Variants in ALPK1 observed in about 807,000 individuals in gnomAD.
ALPK1 encodes alpha-protein kinase 1.
In ALPK1, 110 loss-of-function variants were observed where a neutral mutation model predicts 120.6. The ratio of observed to expected loss-of-function variants is 0.91; its 90% CI spans 0.78 to 1.07. The LOEUF is 1.07. ALPK1 is among the 50% of genes least tolerant of loss of function. The pLI is 0.00. For synonymous variants in ALPK1, 582 were observed against 560.3 expected (o/e 1.04, Z -0.55); for missense variants, 1,498 against 1,483.9 (o/e 1.01, Z -0.16).
intron 2 of ALPK1, among the ~76,000 whole-genome samples, chr4:112,320,983 G>GCCTC (rs1399384622): frequency 7.0e-6 from 1 of 142,352 alleles, no homozygotes; most frequent in African/African-American, 2.7e-5. Flanking sequence ...TGCAAGCTCC[G>GCCTC]CCTCCCAGGT....
In ALPK1 at chr4:112,432,477, C is replaced by T; in HGVS notation, c.2930C>T (p.Pro977Leu). Reference sequence around the variant, plus strand: ...ATCCTTGAGGCTCGCACCTTGCAACCTGATGACTTTGAAAAGCTGTTGGCA... The same window carrying T: ...ATCCTTGAGGCTCGCACCTTGCAACTTGATGACTTTGAAAAGCTGTTGGCA... ...KEILEARTLQ[P>L]DDFEKLLAGV... The change falls in exon 11 of 16, where the codon CCT (proline) becomes CTT (leucine). Residue 977 changes from proline (P) to leucine (L), a missense_variant. By Grantham distance (98) the Pro-to-Leu change is moderately conservative. Coordinates refer to ENST00000650871, the MANE Select transcript of ALPK1 (RefSeq NM_025144.4). 2 of 1,614,144 alleles carry T rather than the reference C, an allele frequency of 1.2e-6. No homozygotes were observed. The highest frequency in any genetic ancestry group is 2.2e-5 in the East Asian group (1 of 44,882).
At chr4:112,389,640 G>A (rs28627711) in intron 4 of ALPK1, among the ~76,000 whole-genome samples, 2 of 152,242 alleles carry the variant, frequency 1.3e-5, no homozygotes, top group Non-Finnish European at 2.9e-5. Context: ...TGACCGGTTG[G>A]ACAGACGGGG....
At chr4:112,358,685 G>T in intron 2 of ALPK1, 1 of 732,112 alleles carries the variant, frequency 1.4e-6, no homozygotes, top group Non-Finnish European at 2.5e-6. Flanking sequence ...CATCTAAGAG[G>T]CTGGCAGAGG....
At chr4:112,423,789 A>T (rs2148757456) in intron 5 of ALPK1, 155 bp from the exon 6 acceptor site, 1 of 758,508 alleles carries the variant, frequency 1.3e-6, no homozygotes, top group Admixed American at 2.0e-5. Flanking sequence ...AGTTTTATAG[A>T]TGATGTCATT....
intron 4 of ALPK1, 29 bp from the exon 5 acceptor site, chr4:112,411,798 G>A: frequency 6.3e-7 from 1 of 1,585,680 alleles, no homozygotes; most frequent in Non-Finnish European, 8.6e-7. Context: ...TTTCCGCCTG[G>A]CTCACGATGT....
intron 2 of ALPK1, among the ~76,000 whole-genome samples, chr4:112,340,173 T>C (rs966422700): frequency 6.6e-6 from 1 of 152,232 alleles, no homozygotes; most frequent in Non-Finnish European, 1.5e-5. Flanking sequence ...TGTGGCCACA[T>C]GTAATATAGC....
In ALPK1 at chr4:112,397,350, A is replaced by G. The variant is rs376436291; in HGVS notation, c.277-14477A>G. Among the ~76,000 whole-genome samples, 7 of 152,366 alleles carry G rather than the reference A, an allele frequency of 4.6e-5. No individual in the cohort carries two copies. In the East Asian group the frequency reaches 9.6e-4, roughly 21 times the overall value. On this transcript the variant is annotated intron_variant, in intron 4 of 15. Coordinates refer to ENST00000650871, the MANE Select transcript of ALPK1 (RefSeq NM_025144.4). Reference sequence around the variant, plus strand: ...TATGTATTCTGTATGTGAAGACCACAGGCAAAATATATTTCTTTCATGGCT... The same window carrying G: ...TATGTATTCTGTATGTGAAGACCACGGGCAAAATATATTTCTTTCATGGCT...
intron 2 of ALPK1, among the ~76,000 whole-genome samples, chr4:112,344,118 G>A (rs1435391240): frequency 6.6e-6 from 1 of 152,162 alleles, no homozygotes; most frequent in African/African-American, 2.4e-5. Context: ...GGTATACCCA[G>A]CTTTAGAAAA....
intron 2 of ALPK1, among the ~76,000 whole-genome samples, chr4:112,371,964 T>G (rs1370122594): frequency 6.6e-6 from 1 of 152,192 alleles, no homozygotes; most frequent in African/African-American, 2.4e-5. Flanking sequence ...TCCAACCAAT[T>G]CCTTCAAAAA....
chr4:112,440,328 A>G (rs560233177), intron 14 of ALPK1, among the ~76,000 whole-genome samples: 1 of 152,154 alleles, frequency 6.6e-6, no homozygotes, highest in Non-Finnish European at 1.5e-5. Context: ...GTACTTAAAT[A>G]TGACTACTTT....
At position 112,355,388 on chromosome 4, in the gene ALPK1, C is replaced by T. The variant is rs369903290; in HGVS notation, c.-100-22290C>T. On this transcript the variant is annotated intron_variant, in intron 2 of 15. Transcript: ENST00000650871. ...CGGGCCAGTGGGGGAGACAGCGACACGAGCAGAAGCTGGACCGAGCGGGAG... is the reference window on the plus strand; with the variant it reads ...CGGGCCAGTGGGGGAGACAGCGACATGAGCAGAAGCTGGACCGAGCGGGAG... Among the ~76,000 whole-genome samples the T allele has an allele frequency of 5.5e-4, 84 of 152,228 alleles. 1 individual carries two copies. The highest frequency in any genetic ancestry group is 1.8e-3 in the African/African-American group (76 of 41,546).
chr4:112,420,865 C>T (rs1733962448), intron 5 of ALPK1, among the ~76,000 whole-genome samples: 1 of 150,980 alleles, frequency 6.6e-6, no homozygotes, highest in African/African-American at 2.4e-5. Flanking sequence ...GAGAGAGAGA[C>T]TCTGTCACGC....
At chr4:112,417,206 C>T (rs1337142086) in intron 5 of ALPK1, among the ~76,000 whole-genome samples, 2 of 152,136 alleles carry the variant, frequency 1.3e-5, no homozygotes, top group East Asian at 3.8e-4. Context: ...TTCACACACA[C>T]ACTCACATAC....
At chr4:112,436,197 GATTATT>G (rs1234756408) in intron 12 of ALPK1, among the ~76,000 whole-genome samples, 1 of 152,114 alleles carries the variant, frequency 6.6e-6, no homozygotes, top group Non-Finnish European at 1.5e-5. Context: ...AAAGATTATT[GATTATT>G]ATTATTATTT....
At chr4:112,324,065 T>C (rs546272227) in intron 2 of ALPK1, among the ~76,000 whole-genome samples, 1,987 of 152,138 alleles carry the variant, frequency 0.013, 15 homozygotes, top group Non-Finnish European at 0.018. Flanking sequence ...TGGTGGCTCA[T>C]GCCTGTAATC....
At chr4:112,359,753 G>A in intron 2 of ALPK1, 1 of 384,220 alleles carries the variant, frequency 2.6e-6, no homozygotes, top group Non-Finnish European at 5.2e-6. Flanking sequence ...TCTAGGACGT[G>A]CCCAACCTGC....
chr4:112,440,809 T>C, intron 14 of ALPK1, 108 bp from the exon 15 acceptor site: 1 of 1,199,450 alleles, frequency 8.3e-7, no homozygotes, highest in Non-Finnish European at 1.1e-6. Context: ...AATTATCTCT[T>C]TAAGTGTGTG....
intron 4 of ALPK1, among the ~76,000 whole-genome samples, chr4:112,399,260 A>G (rs1560670485): frequency 1.3e-5 from 2 of 152,234 alleles, no homozygotes; most frequent in East Asian, 3.8e-4. Context: ...AGAGCAAGGA[A>G]GGGAACCAGG....
intron 4 of ALPK1, among the ~76,000 whole-genome samples, chr4:112,400,621 G>A (rs1162489782): frequency 2.0e-5 from 3 of 152,120 alleles, no homozygotes; most frequent in Admixed American, 6.5e-5. Flanking sequence ...CAGATAATTC[G>A]ATATAATTTT....
Sources: gnomAD v4.1 joint callset for allele counts (sites outside exome capture counted in the v4.1 genomes callset) on GRCh38, gnomAD v4.1.1 for gene constraint, MANE v1.5 for transcripts, NCBI Gene and HGNC (gene_info 2026-07-23, HGNC 2026-07-21) for gene names.